HSF2BP: variants seen among roughly 807,000 people sequenced by gnomAD.
HSF2BP encodes heat shock factor 2-binding protein.
HSF2BP carries 35 observed loss-of-function variants against 35.0 expected under a neutral mutation model. The ratio of observed to expected loss-of-function variants is 1.00; its 90% CI spans 0.76 to 1.32. HSF2BP has a LOEUF of 1.32. HSF2BP is among the 40% of genes most tolerant of loss of function. The probability of loss-of-function intolerance (pLI) is 0.00; values close to 1 mark genes in which losing one functional copy is unlikely to be tolerated. For synonymous variants in HSF2BP, 114 were observed against 117.4 expected, an observed-to-expected ratio of 0.97 and a Z score of 0.18; for missense variants, 326 against 321.7, an observed-to-expected ratio of 1.01 and a Z score of -0.10.
chr21:43,644,627 G>A (rs1421869972), intron 3 of HSF2BP, among the ~76,000 whole-genome samples: 3 of 152,162 alleles, frequency 2.0e-5, no homozygotes, highest in Admixed American at 6.5e-5. Context: ...TTTCTGTTTT[G>A]TGTTTTTAAG....
chr21:43,580,510 G>C (rs532640316), intron 8 of HSF2BP, among the ~76,000 whole-genome samples: 1 of 152,212 alleles, frequency 6.6e-6, no homozygotes, highest in Non-Finnish European at 1.5e-5. Flanking sequence ...ATTAATCAAA[G>C]AAAACAGTCC....
chr21:43,586,864 G>A (rs770963769), intron 8 of HSF2BP, among the ~76,000 whole-genome samples: 4 of 151,496 alleles, frequency 2.6e-5, no homozygotes, highest in East Asian at 1.9e-4. Context: ...GCAGTGGCAC[G>A]ATCTTGGCTC....
intron 4 of HSF2BP, among the ~76,000 whole-genome samples, chr21:43,643,288 T>G (rs563210196): frequency 6.6e-6 from 1 of 152,272 alleles, no homozygotes; most frequent in South Asian, 2.1e-4. Context: ...GAGACTCTCA[T>G]CGCTATGGTT....
At chr21:43,594,814 A>G (rs2081966161) in intron 7 of HSF2BP, among the ~76,000 whole-genome samples, 1 of 152,220 alleles carries the variant, frequency 6.6e-6, no homozygotes, top group Non-Finnish European at 1.5e-5. Flanking sequence ...AAAACAAAAT[A>G]TGACAGAATA....
chr21:43,578,693 G>T (rs1172288435), intron 8 of HSF2BP, among the ~76,000 whole-genome samples: 1 of 152,190 alleles, frequency 6.6e-6, no homozygotes, highest in African/African-American at 2.4e-5. Context: ...CTATAAGAAA[G>T]CCTCTGAAGG....
At chr21:43,584,909 C>T (rs2146742634) in intron 8 of HSF2BP, among the ~76,000 whole-genome samples, 1 of 152,272 alleles carries the variant, frequency 6.6e-6, no homozygotes, top group South Asian at 2.1e-4. Flanking sequence ...GAAAAATACC[C>T]TCAAAGCAAG....
In HSF2BP at chr21:43,659,045, C is replaced by T. The variant is rs1370352077; in HGVS notation, c.-225+341G>A. Among the ~76,000 whole-genome samples, 1 of 152,192 alleles carries T rather than the reference C, an allele frequency of 6.6e-6. No individual in the cohort carries two copies. Among genetic ancestry groups the T allele is most frequent in the Non-Finnish European group, 1.5e-5 (1 of 68,040 alleles). On this transcript the variant is annotated intron_variant, in intron 1 of 8. Transcript: ENST00000291560. The surrounding 1 kb of genome is among the most constrained non-coding windows in gnomAD (Gnocchi z 4.2). ...AGGCGCGGCGGCTCAAGCCTGTAAT[C>T]CCAGCGATCAGGGAGGCCGCCGCGG...
intron 7 of HSF2BP, among the ~76,000 whole-genome samples, chr21:43,598,389 G>T (rs1270549094): frequency 6.4e-4 from 92 of 143,384 alleles, no homozygotes; most frequent in Admixed American, 3.9e-3. Flanking sequence ...GGGTTTTTTT[G>T]TTTTTTTTTT....
intron 4 of HSF2BP, among the ~76,000 whole-genome samples, chr21:43,642,213 A>G (rs1029635940): frequency 3.5e-4 from 54 of 152,292 alleles, no homozygotes; most frequent in African/African-American, 1.3e-3. Flanking sequence ...AATTAATTAA[A>G]TTTAGCTGGA....
chr21:43,597,696 T>C lies in HSF2BP; in HGVS notation c.693-5368A>G, dbSNP rs1170712601. 6.6e-6 allele frequency among the ~76,000 whole-genome samples: 1 copy of C among 151,952 alleles called. No homozygotes were observed. Among genetic ancestry groups the C allele is most frequent in the Non-Finnish European group, 1.5e-5 (1 of 67,974 alleles). On this transcript the variant is annotated intron_variant, in intron 7 of 8. Coordinates refer to ENST00000291560, the MANE Select transcript of HSF2BP (RefSeq NM_007031.2). The surrounding 1 kb of genome is among the most constrained non-coding windows in gnomAD (Gnocchi z 4.3). ...CCACCACACCCAGCTTATTTTTTAATTTTTTGTATGAGGTCTTGCCATCTT... is the reference window on the plus strand; with the variant it reads ...CCACCACACCCAGCTTATTTTTTAACTTTTTGTATGAGGTCTTGCCATCTT...
chr21:43,467,858 A>G, the HSF2BP span, among the ~76,000 whole-genome samples: 4 of 126,118 alleles, frequency 3.2e-5, no homozygotes, highest in Admixed American at 1.6e-4. Flanking sequence ...CACACCACAC[A>G]CCACACACAC....
chr21:43,634,248 T>C (rs2082522827), intron 4 of HSF2BP, among the ~76,000 whole-genome samples: 1 of 152,174 alleles, frequency 6.6e-6, no homozygotes, highest in Non-Finnish European at 1.5e-5. Context: ...ACACAGGGAA[T>C]GGCCGTCCTG....
intron 6 of HSF2BP, among the ~76,000 whole-genome samples, chr21:43,625,671 C>A (rs1324061735): frequency 6.6e-6 from 1 of 152,184 alleles, no homozygotes. Flanking sequence ...CCTATCCCCA[C>A]AGGATAGTCT....
chr21:43,658,832 C>T (rs2082919978), intron 1 of HSF2BP, among the ~76,000 whole-genome samples: 1 of 152,258 alleles, frequency 6.6e-6, no homozygotes, highest in African/African-American at 2.4e-5. Context: ...CAAGCCTCTG[C>T]AGGCACTGGA....
intron 4 of HSF2BP, among the ~76,000 whole-genome samples, chr21:43,643,251 G>A (rs1354652562): frequency 1.3e-5 from 2 of 151,984 alleles, no homozygotes; most frequent in Non-Finnish European, 2.9e-5. Flanking sequence ...CCAACTATAA[G>A]ATATTATGTA....
At chr21:43,467,631 G>C in the HSF2BP span, among the ~76,000 whole-genome samples, 5 of 151,392 alleles carry the variant, frequency 3.3e-5, no homozygotes, top group South Asian at 2.1e-4. Flanking sequence ...AAATGCACAG[G>C]GGCCGGGGTC....
chr21:43,575,237 G>A (rs1601605553), intron 8 of HSF2BP, among the ~76,000 whole-genome samples: 2 of 152,214 alleles, frequency 1.3e-5, no homozygotes, highest in Non-Finnish European at 2.9e-5. Flanking sequence ...ATGAAAACAC[G>A]ACGCTCCACT....
intron 4 of HSF2BP, among the ~76,000 whole-genome samples, chr21:43,640,286 C>G (rs1213254791): frequency 6.6e-6 from 1 of 152,204 alleles, no homozygotes; most frequent in Non-Finnish European, 1.5e-5. Context: ...CTGGGTGACA[C>G]AGTGAGACTC....
chr21:43,596,387 T>TACACACACAC (rs112009393), intron 7 of HSF2BP, among the ~76,000 whole-genome samples: 4 of 147,350 alleles, frequency 2.7e-5, no homozygotes, highest in African/African-American at 9.9e-5. Flanking sequence ...GCTAGTGAAA[T>TACACACACAC]ACACACACAC....
Sources: gnomAD v4.1 joint callset for allele counts (sites outside exome capture counted in the v4.1 genomes callset) on GRCh38, gnomAD v4.1.1 for gene constraint, Gnocchi (gnomAD v3.1) non-coding constraint, MANE v1.5 for transcripts, NCBI Gene and HGNC (gene_info 2026-07-23, HGNC 2026-07-21) for gene names.